The following ZFAND2A variants were observed in gnomAD, a reference collection of about 807,000 sequenced individuals.
ZFAND2A encodes the protein zinc finger AN1-type containing 2A.
ZFAND2A carries 20 observed loss-of-function variants against 11.6 expected under a neutral mutation model. The observed-to-expected ratio is 1.72, with a 90% CI of 1.21 to 2.50. The LOEUF (loss-of-function observed/expected upper bound fraction) is 2.50. ZFAND2A is among the 30% of genes most tolerant of loss of function. The pLI, the probability that ZFAND2A is intolerant of heterozygous loss-of-function variation, is 0.00. For synonymous variants in ZFAND2A, 93 were observed against 60.6 expected (o/e 1.54, Z -2.48); for missense variants, 234 against 182.9 (o/e 1.28, Z -1.61).
chr7:1,154,788 T>G (rs377591720), intron 4 of ZFAND2A, among the ~76,000 whole-genome samples: 5 of 152,208 alleles, frequency 3.3e-5, no homozygotes, highest in African/African-American at 1.2e-4. Context: ...GACCCATGAC[T>G]AGGAACGGAT....
Position 1,153,091 on chromosome 7 carries a change from C to T in ZFAND2A, c.416G>A (p.Arg139His), listed in dbSNP as rs1048947946. 8 of 1,614,112 alleles carry T rather than the reference C, an allele frequency of 5.0e-6. No individual in the cohort carries two copies. Among genetic ancestry groups the T allele is most frequent in the South Asian group, 3.3e-5 (3 of 91,082 alleles). Residue 139 changes from arginine to histidine, a missense_variant, in exon 5 of 5, where the codon CGC becomes CAC. By Grantham distance (29) the Arg-to-His change is conservative. Transcript: ENST00000316495. ...TTCTCACCCAGCTTTGATGGTGGGG[C>T]GACTCCCGTGTCTGCAGCTGTGGTC... ...PLDHSCRHGS[R>H]PTIKAG
chr7:1,155,690 C>A, intron 3 of ZFAND2A, 106 bp from the exon 4 acceptor site: 7 of 1,441,570 alleles, frequency 4.9e-6, no homozygotes, highest in Admixed American at 4.4e-5. Flanking sequence ...AAAGAGAGGA[C>A]AAAAACCGGT....
chr7:1,157,736 T>C lies in ZFAND2A; in HGVS notation c.70A>G (p.Lys24Glu). Reference protein sequence around the residue: ...TCKQLDFLPVKCDACKQDFCK... With the variant: ...TCKQLDFLPVECDACKQDFCK... ...AAATCTTGTTTACATGCATCACATTTTACTGGAAGAAAATCTAAAAAACAA... is the reference window on the plus strand; with the variant it reads ...AAATCTTGTTTACATGCATCACATTCTACTGGAAGAAAATCTAAAAAACAA... The change falls in exon 3 of 5, where the codon AAA becomes GAA. Residue 24 changes from lysine to glutamate, a missense_variant. Lys to Glu is a moderately conservative substitution (Grantham distance 56, BLOSUM62 1). Coordinates refer to ENST00000316495, the MANE Select transcript of ZFAND2A (RefSeq NM_182491.4). 1 of 1,555,274 alleles carries C rather than the reference T, an allele frequency of 6.4e-7. No homozygotes were observed. Among genetic ancestry groups the C allele is most frequent in the Non-Finnish European group, 8.7e-7 (1 of 1,154,844 alleles).
At chr7:1,150,891 T>TG, downstream of ZFAND2A, among the ~76,000 whole-genome samples, 1 of 108,518 alleles carries the variant, frequency 9.2e-6, no homozygotes, top group Non-Finnish European at 2.2e-5. Context: ...CTGTGCCTTT[T>TG]TTTTTTTTTT....
rs1318157945 is a variant in ZFAND2A at position 1,152,937 on chromosome 7, C to T, written c.*132G>A. 1.4e-5 allele frequency: 17 copies of T among 1,245,350 alleles called. No individual in the cohort carries two copies. Among genetic ancestry groups the T allele is most frequent in the Non-Finnish European group, 1.7e-5 (15 of 868,014 alleles). The allele number at this position is 1,245,350 out of a possible 1,614,324, so 77.1% of individuals were successfully genotyped here. On this transcript the variant is annotated 3_prime_UTR_variant, in exon 5 of 5. Coordinates refer to ENST00000316495, the MANE Select transcript of ZFAND2A (RefSeq NM_182491.4). ...TTCAGCATTCAATTTTATTATAGTCCCATCTCCCTCAACAAACAAGATCAG... is the reference window on the plus strand; with the variant it reads ...TTCAGCATTCAATTTTATTATAGTCTCATCTCCCTCAACAAACAAGATCAG...
At chr7:1,159,503 G>A (rs1219885235) in intron 1 of ZFAND2A, among the ~76,000 whole-genome samples, 40 of 144,206 alleles carry the variant, frequency 2.8e-4, no homozygotes, top group African/African-American at 1.0e-3. Context: ...CGGCAGGCCC[G>A]GTCCCCAGCA....
At chr7:1,151,639 A>G (rs538577312), downstream of ZFAND2A, among the ~76,000 whole-genome samples, 2 of 151,988 alleles carry the variant, frequency 1.3e-5, no homozygotes, top group Non-Finnish European at 2.9e-5. Flanking sequence ...GGTGCCTGTA[A>G]TCCCAGCTAC....
downstream of ZFAND2A, chr7:1,152,094 T>C (rs1023092136): frequency 5.1e-6 from 5 of 975,566 alleles, no homozygotes; most frequent in African/African-American, 1.7e-5. Context: ...TTCTGTAACT[T>C]GGGGTCCCAG....
At position 1,158,259 on chromosome 7, in the gene ZFAND2A, TACA is replaced by T; in HGVS notation, c.-45-5_-45-3del. ...GCAGATGGCGGAGTTAAGTGTCACC[TACA>T]AGAGAATCAGAATAGTTAGGAGGAA... On this transcript the variant is annotated splice_polypyrimidine_tract_variant and splice_region_variant and intron_variant, in intron 1 of 4. Transcript: ENST00000316495. 6.4e-7 allele frequency: 1 copy of T among 1,566,836 alleles called. No homozygotes were observed. The highest frequency in any genetic ancestry group is 8.8e-7 in the Non-Finnish European group (1 of 1,139,048).
At chr7:1,158,426 A>C (rs1171696749) in intron 1 of ZFAND2A, among the ~76,000 whole-genome samples, 169 bp from the exon 2 acceptor site, 3 of 152,246 alleles carry the variant, frequency 2.0e-5, no homozygotes, top group Admixed American at 6.5e-5. Context: ...AACCCCATTA[A>C]GAGACACGGA....
At chr7:1,152,757 C>T, downstream of ZFAND2A, 1 of 498,966 alleles carries the variant, frequency 2.0e-6, no homozygotes, top group Non-Finnish European at 3.7e-6. Flanking sequence ...GCCGATGCTC[C>T]CCGCAGCCCT....
chr7:1,158,061 C>A, intron 2 of ZFAND2A, 97 bp downstream of exon 2: 2 of 1,230,488 alleles, frequency 1.6e-6, no homozygotes. Context: ...ACTGAGGAGC[C>A]AGGAAGGCCA....
Position 1,153,209 on chromosome 7 carries a change from A to C in ZFAND2A, c.298T>G (p.Cys100Gly), listed in dbSNP as rs564016870. Residue 100 changes from cysteine (C) to glycine (G), a missense_variant, in exon 5 of 5, where the codon TGC becomes GGC. Cys to Gly is a radical substitution (Grantham distance 159). Coordinates refer to ENST00000316495, the MANE Select transcript of ZFAND2A (RefSeq NM_182491.4). ...KKKEKIFTYRCSKEGCKKKEM... is the reference protein window; with the variant it reads ...KKKEKIFTYRGSKEGCKKKEM... ...TTCTTCTTGCAGCCCTCTTTTGAGC[A>C]ACGGTATGTAAAAATCTAAGAGAGC... The C allele has an allele frequency of 1.9e-6, 3 of 1,613,154 alleles. No individual in the cohort carries two copies. Among genetic ancestry groups the C allele is most frequent in the South Asian group, 2.2e-5 (2 of 91,080 alleles).
downstream of ZFAND2A, chr7:1,152,163 T>C: frequency 1.2e-5 from 17 of 1,473,562 alleles, no homozygotes; most frequent in Non-Finnish European, 1.5e-5. Context: ...CGTCACACTG[T>C]GCAGTTACAC....
chr7:1,149,602 G>A (rs114774728), downstream of ZFAND2A, among the ~76,000 whole-genome samples: 948 of 152,360 alleles, frequency 6.2e-3, 16 homozygotes, highest in African/African-American at 0.022. Flanking sequence ...TTGCATTGTC[G>A]TGCAAGCATC....
At chr7:1,154,927 G>C (rs1048550377) in intron 4 of ZFAND2A, among the ~76,000 whole-genome samples, 1 of 152,046 alleles carries the variant, frequency 6.6e-6, no homozygotes, top group Non-Finnish European at 1.5e-5. Context: ...AGACCAGCCC[G>C]GCCAACATAG....
intron 4 of ZFAND2A, among the ~76,000 whole-genome samples, chr7:1,153,939 C>A (rs776869086): frequency 6.6e-6 from 1 of 151,728 alleles, no homozygotes; most frequent in African/African-American, 2.4e-5. Flanking sequence ...AGAGTTCGTC[C>A]CTTTAAAAAG....
chr7:1,159,393 G>T (rs1793620027), intron 1 of ZFAND2A, among the ~76,000 whole-genome samples: 1 of 152,098 alleles, frequency 6.6e-6, no homozygotes, highest in Non-Finnish European at 1.5e-5. Context: ...GCGGGTTAAC[G>T]ACCCCGTGCG....
At chr7:1,152,900 A>C (rs1389535208), downstream of ZFAND2A, 1 of 1,032,566 alleles carries the variant, frequency 9.7e-7, no homozygotes, top group Non-Finnish European at 1.5e-6. Flanking sequence ...AATGAGAACA[A>C]CTAGAATCAA....
Sources: allele counts gnomAD v4.1 joint callset (sites outside exome capture counted in the v4.1 genomes callset), GRCh38; gene constraint gnomAD v4.1.1; transcripts MANE v1.5; gene names NCBI Gene and HGNC (gene_info 2026-07-23, HGNC 2026-07-21).